The following NAALADL2 variants were observed in gnomAD, a reference collection of about 807,000 sequenced individuals.
NAALADL2 encodes N-acetylated alpha-linked acidic dipeptidase like 2.
NAALADL2 carries 76 observed loss-of-function variants against 87.2 expected under a neutral mutation model. The observed-to-expected ratio is 0.87, with a 90% CI of 0.72 to 1.05. The LOEUF (loss-of-function observed/expected upper bound fraction) is 1.05, where lower values mean the gene tolerates loss of function less well. Ranked by LOEUF, NAALADL2 falls within the 50% of genes least tolerant of loss-of-function variation. NAALADL2 has a pLI of 0.00. For missense variants in NAALADL2, 1,089 were observed against 945.8 expected (o/e 1.15, Z -1.99); for synonymous variants, 354 against 331.0 (o/e 1.07, Z -0.75).
intron 2 of NAALADL2, among the ~76,000 whole-genome samples, chr3:174,597,522 A>T (rs572879690): frequency 7.2e-5 from 11 of 152,302 alleles, no homozygotes; most frequent in African/African-American, 2.4e-4. Flanking sequence ...TAGCAATCTC[A>T]GGCCTTTTAT....
At chr3:175,574,591 C>G (rs1319766203) in intron 9 of NAALADL2, among the ~76,000 whole-genome samples, 1 of 152,034 alleles carries the variant, frequency 6.6e-6, no homozygotes. Context: ...TGTTCTGGCT[C>G]AGGGTGTAAA....
At chr3:174,490,986 A>G (rs1460510018) in intron 1 of NAALADL2, among the ~76,000 whole-genome samples, 1 of 152,166 alleles carries the variant, frequency 6.6e-6, no homozygotes, top group East Asian at 1.9e-4. Flanking sequence ...TGTATAAAAT[A>G]CTTATCCAGA....
intron 4 of NAALADL2, among the ~76,000 whole-genome samples, chr3:175,284,969 A>C (rs1433168393): frequency 6.6e-6 from 1 of 152,134 alleles, no homozygotes; most frequent in Admixed American, 6.6e-5. Flanking sequence ...ATATCCTTAA[A>C]ACCATGGTGT....
chr3:175,565,821 C>CCT (rs1717021879), intron 9 of NAALADL2, among the ~76,000 whole-genome samples: 2 of 22,100 alleles, frequency 9.0e-5, no homozygotes, highest in South Asian at 1.8e-3. Flanking sequence ...AAAACAAAAG[C>CCT]CCCCCCCCTT....
intron 5 of NAALADL2, among the ~76,000 whole-genome samples, chr3:175,354,862 A>G (rs1362605618): frequency 7.5e-6 from 1 of 132,762 alleles, no homozygotes; most frequent in East Asian, 2.2e-4. Context: ...GGCACTATAC[A>G]TACATACATA....
intron 2 of NAALADL2, among the ~76,000 whole-genome samples, chr3:175,106,257 G>A (rs1228683237): frequency 6.6e-6 from 1 of 152,020 alleles, no homozygotes; most frequent in Admixed American, 6.6e-5. Flanking sequence ...TCAAAATGTT[G>A]GAACCATTAA....
intron 1 of NAALADL2, among the ~76,000 whole-genome samples, chr3:174,989,984 A>G (rs767561784): frequency 4.6e-5 from 7 of 152,184 alleles, no homozygotes; most frequent in Non-Finnish European, 8.8e-5. Context: ...CTTCATAAGT[A>G]GCATTGGTTA....
At chr3:175,277,093 A>G (rs1013128600) in intron 4 of NAALADL2, among the ~76,000 whole-genome samples, 1 of 152,152 alleles carries the variant, frequency 6.6e-6, no homozygotes, top group African/African-American at 2.4e-5. Flanking sequence ...TATTTATTAA[A>G]TTGTCAGGGT....
At chr3:174,804,101 G>A (rs1278012282) in intron 3 of NAALADL2, among the ~76,000 whole-genome samples, 2 of 152,226 alleles carry the variant, frequency 1.3e-5, no homozygotes, top group East Asian at 1.9e-4. Context: ...CTATTCATGA[G>A]CATGGAATGT....
At chr3:174,858,502 ATC>A (rs1158870757), upstream of NAALADL2, among the ~76,000 whole-genome samples, 8 of 152,232 alleles carry the variant, frequency 5.3e-5, no homozygotes, top group Middle Eastern at 6.8e-3. Context: ...CAATGCAAAT[ATC>A]ATGACTCTCC....
intron 1 of NAALADL2, among the ~76,000 whole-genome samples, chr3:174,871,625 A>G (rs1019276069): frequency 3.3e-5 from 5 of 152,194 alleles, no homozygotes; most frequent in African/African-American, 1.2e-4. Flanking sequence ...TTGGCCGGGC[A>G]CAGTGGCTCA....
chr3:174,980,946 T>C (rs1486799333), intron 1 of NAALADL2, among the ~76,000 whole-genome samples: 1 of 152,184 alleles, frequency 6.6e-6, no homozygotes, highest in African/African-American at 2.4e-5. Context: ...TGTGCTGATA[T>C]GAAAATATAT....
intron 2 of NAALADL2, among the ~76,000 whole-genome samples, chr3:174,597,005 G>A (rs953896784): frequency 1.3e-5 from 2 of 152,160 alleles, no homozygotes; most frequent in African/African-American, 4.8e-5. Flanking sequence ...GGAAGATGAA[G>A]CTTTCTGTTT....
At chr3:174,795,910 A>G (rs542397374) in intron 3 of NAALADL2, among the ~76,000 whole-genome samples, 2 of 152,290 alleles carry the variant, frequency 1.3e-5, no homozygotes, top group East Asian at 1.9e-4. Context: ...TAAGATTTCT[A>G]TTTATATCTG....
chr3:174,465,401 ACTTATGTTTACTGAATGAATTTCAACAT>A (rs1261470626), intron 1 of NAALADL2, among the ~76,000 whole-genome samples: 1 of 152,186 alleles, frequency 6.6e-6, no homozygotes, highest in Non-Finnish European at 1.5e-5. Flanking sequence ...GTTCGTATTC[ACTTATGTTTACTGAATGAATTTCAACAT>A]CTTTTCTTAT....
At chr3:175,592,360 C>CTT (rs1233219349) in intron 10 of NAALADL2, among the ~76,000 whole-genome samples, 3 of 105,840 alleles carry the variant, frequency 2.8e-5, no homozygotes, top group Non-Finnish European at 5.6e-5. Flanking sequence ...ATTATTTTTT[C>CTT]TTATGGTCTA....
intron 2 of NAALADL2, among the ~76,000 whole-genome samples, chr3:174,595,565 A>G (rs905028068): frequency 6.6e-6 from 1 of 152,094 alleles, no homozygotes; most frequent in African/African-American, 2.4e-5. Context: ...ACTTCCTATC[A>G]ATCCTTTTCT....
At chr3:175,653,361 C>T (rs938388651) in intron 11 of NAALADL2, among the ~76,000 whole-genome samples, 3 of 152,154 alleles carry the variant, frequency 2.0e-5, no homozygotes, top group African/African-American at 7.2e-5. Flanking sequence ...GAATCAAAAG[C>T]AGTCTCAAAT....
intron 2 of NAALADL2, among the ~76,000 whole-genome samples, chr3:175,132,756 C>A (rs1234662298): frequency 6.6e-6 from 1 of 151,024 alleles, no homozygotes; most frequent in Non-Finnish European, 1.5e-5. Context: ...CCCCTCACCT[C>A]CCGGACAGGG....
Sources: gnomAD v4.1 joint callset for allele counts (sites outside exome capture counted in the v4.1 genomes callset) on GRCh38, gnomAD v4.1.1 for gene constraint, MANE v1.5 for transcripts, NCBI Gene and HGNC (gene_info 2026-07-23, HGNC 2026-07-21) for gene names.